The following B3GALNT2 variants were observed in gnomAD, a reference collection of about 807,000 sequenced individuals.
B3GALNT2 encodes UDP-GalNAc:beta-1,3-N-acetylgalactosaminyltransferase 2.
B3GALNT2 carries 53 observed loss-of-function variants against 61.1 expected under a neutral mutation model. The ratio of observed to expected loss-of-function variants is 0.87; its 90% CI spans 0.70 to 1.09. B3GALNT2 has a LOEUF of 1.09. Among genes scored for constraint, B3GALNT2 ranks in the 50% least tolerant of loss-of-function variants. The pLI is 0.00. For synonymous variants in B3GALNT2, 223 were observed against 237.4 expected (o/e 0.94, Z 0.56); for missense variants, 544 against 623.0 (o/e 0.87, Z 1.35).
At position 235,448,490 on chromosome 1, in the gene B3GALNT2, T is replaced by C. The variant is rs1682628592; in HGVS notation, c.*1716A>G. On this transcript the variant is annotated 3_prime_UTR_variant, in exon 12 of 12. Transcript: ENST00000366600. ...GTCAAAGTCAAGCTTAGTCCTCGTA[T>C]TATGACATTAAACTGTCTCTAGATA... 1 of 1,551,804 alleles carries C rather than the reference T, an allele frequency of 6.4e-7. No homozygotes were observed. Among genetic ancestry groups the C allele is most frequent in the South Asian group, 1.1e-5 (1 of 89,778 alleles).
At chr1:235,485,046 A>G (rs1470785169) in intron 3 of B3GALNT2, among the ~76,000 whole-genome samples, 2 of 152,386 alleles carry the variant, frequency 1.3e-5, no homozygotes, top group African/African-American at 4.8e-5. Context: ...GCTGTACAGC[A>G]CTGATAAAAG....
rs1269145259 is a variant in B3GALNT2, at chr1:235,448,839, C to A, written c.*1367G>T. The A allele has an allele frequency of 3.0e-5, 32 of 1,079,738 alleles. No individual in the cohort carries two copies. Among genetic ancestry groups the A allele is most frequent in the Non-Finnish European group, 4.4e-5 (31 of 707,250 alleles). The allele number at this position is 1,079,738 out of a possible 1,614,324, so 66.9% of individuals were successfully genotyped here. A position where few individuals can be genotyped will look rare whatever the true frequency, so the allele number is the denominator to read the frequency against. The stretch of plus-strand genomic sequence containing the variant: ...ACCGGAAATAAATGATTCACTGGAA[C>A]AATTCTACTGTCAAAACAAAGGGGG... On this transcript the variant is annotated 3_prime_UTR_variant, in exon 12 of 12. Transcript: ENST00000366600.
chr1:235,483,460 C>T (rs1174064980), intron 4 of B3GALNT2, among the ~76,000 whole-genome samples: 1 of 152,130 alleles, frequency 6.6e-6, no homozygotes, highest in East Asian at 1.9e-4. Flanking sequence ...CACACCAGGC[C>T]TGGTGCGGTG....
rs915720015 is a variant in B3GALNT2 at position 235,489,095 on chromosome 1, C to T, written c.361+73G>A. On this transcript the variant is annotated intron_variant, in intron 3 of 11. Transcript: ENST00000366600. ...AATAATAAAAAATAAAAACAGACTC[C>T]ATACTATTAAGCTTAGCAACTTTTA... is the stretch of plus-strand genomic sequence containing the variant. 1.9e-5 allele frequency: 29 copies of T among 1,532,596 alleles called. 1 individual carries two copies. The East Asian group carries it at 6.5e-4, about 34-fold the overall frequency. 94.9% of individuals were successfully genotyped at this position (1,532,596 alleles called of 1,614,324 possible).
chr1:235,460,124 TTG>T (rs1683353629), intron 7 of B3GALNT2, among the ~76,000 whole-genome samples: 2 of 150,370 alleles, frequency 1.3e-5, no homozygotes, highest in Non-Finnish European at 3.0e-5. Flanking sequence ...TCTTTCTTTT[TTG>T]TTTTTGAGAC....
intron 2 of B3GALNT2, among the ~76,000 whole-genome samples, chr1:235,492,414 A>G (rs1685110000): frequency 6.6e-6 from 1 of 152,202 alleles, no homozygotes; most frequent in Admixed American, 6.5e-5. Flanking sequence ...TTCTCATAAC[A>G]CAAATCAAGC....
downstream of B3GALNT2, among the ~76,000 whole-genome samples, chr1:235,444,300 A>G (rs1682097276): frequency 6.6e-6 from 1 of 152,232 alleles, no homozygotes; most frequent in African/African-American, 2.4e-5. Flanking sequence ...ATGGGTTAGA[A>G]TTAGTGATTT....
At chr1:235,489,555 A>G (rs1435656290) in intron 2 of B3GALNT2, among the ~76,000 whole-genome samples, 1 of 152,224 alleles carries the variant, frequency 6.6e-6, no homozygotes, top group Non-Finnish European at 1.5e-5. Context: ...AGCAAACTAT[A>G]GTAAAGTCAG....
intron 1 of B3GALNT2, among the ~76,000 whole-genome samples, chr1:235,502,839 G>A (rs1048689453): frequency 9.2e-5 from 14 of 152,176 alleles, no homozygotes; most frequent in African/African-American, 3.1e-4. Flanking sequence ...ACAAGCAGCT[G>A]TTACAAAGCA....
At chr1:235,502,681 AT>A (rs1685637054) in intron 1 of B3GALNT2, among the ~76,000 whole-genome samples, 1 of 152,194 alleles carries the variant, frequency 6.6e-6, no homozygotes, top group Non-Finnish European at 1.5e-5. Context: ...GTCTACTAAG[AT>A]TTCAGTTTGA....
Position 235,447,426 on chromosome 1 carries a change from G to GAAGT in B3GALNT2, c.*2776_*2779dup, listed in dbSNP as rs768533077. ...ATTTACCACAACCCGTCTTTGGAAAGAAGTTCATAGTGTATTCTGAACAAA... is the reference window on the plus strand; with the variant it reads ...ATTTACCACAACCCGTCTTTGGAAAGAAGTAAGTTCATAGTGTATTCTGAACAAA... On this transcript the variant is annotated 3_prime_UTR_variant, in exon 12 of 12. Transcript: ENST00000366600. Among the ~76,000 whole-genome samples, 39 of 152,320 alleles carry GAAGT rather than the reference G, an allele frequency of 2.6e-4. No individual in the cohort carries two copies. The highest frequency in any genetic ancestry group is 3.4e-3 in the Middle Eastern group (1 of 294).
chr1:235,446,224 A>G (rs188657232), downstream of B3GALNT2, among the ~76,000 whole-genome samples: 49 of 152,020 alleles, frequency 3.2e-4, no homozygotes, highest in East Asian at 6.4e-3. Flanking sequence ...CACCCAGGCT[A>G]GAGTGCAGTG....
At chr1:235,457,860 G>A (rs1204848938) in intron 8 of B3GALNT2, among the ~76,000 whole-genome samples, 1 of 151,286 alleles carries the variant, frequency 6.6e-6, no homozygotes, top group Non-Finnish European at 1.5e-5. Context: ...GCTGGCTTGA[G>A]ACAACCGAGG....
Position 235,454,304 on chromosome 1 carries a change from T to C in B3GALNT2, c.1163A>G (p.Asn388Ser), listed in dbSNP as rs759609345. Residue 388 changes from asparagine (N) to serine (S), a missense_variant, in exon 10 of 12, where the codon AAT becomes AGT. By Grantham distance (46) the Asn-to-Ser change is conservative. Coordinates refer to ENST00000366600, the MANE Select transcript of B3GALNT2 (RefSeq NM_152490.5). ...CTTTCCGGTTCGGTCAACTGCCCAATTCAGTCTGAAACTGAGATGAAAAAT... is the reference window on the plus strand; with the variant it reads ...CTTTCCGGTTCGGTCAACTGCCCAACTCAGTCTGAAACTGAGATGAAAAAT... ...PNFWWGNFRLNWAVDRTGKWQ... is the reference protein window; with the variant it reads ...PNFWWGNFRLSWAVDRTGKWQ... 6.2e-7 allele frequency: 1 copy of C among 1,611,498 alleles called. No individual in the cohort carries two copies. The highest frequency in any genetic ancestry group is 1.1e-5 in the South Asian group (1 of 90,756).
In B3GALNT2 at chr1:235,474,970, TATATA is replaced by T. The variant is rs1333488475; in HGVS notation, c.652-4015_652-4011del. Among the ~76,000 whole-genome samples the T allele has an allele frequency of 9.1e-3, 313 of 34,456 alleles. 28 individuals are homozygous for T. Among genetic ancestry groups the T allele is most frequent in the East Asian group, 0.076 (106 of 1,396 alleles). The allele number at this position is 34,456 out of a possible 152,430, so 22.6% of individuals were successfully genotyped here. Reference sequence around the variant, plus strand: ...AGAGACATATATATATATATATATATATATATATATATATATATTTTTTTTTTTTT... The same window carrying T: ...AGAGACATATATATATATATATATATTATATATATATATTTTTTTTTTTTT... On this transcript the variant is annotated intron_variant, in intron 5 of 11. Coordinates refer to ENST00000366600, the MANE Select transcript of B3GALNT2 (RefSeq NM_152490.5).
chr1:235,473,164 C>T (rs766434358), intron 5 of B3GALNT2, among the ~76,000 whole-genome samples: 3 of 152,220 alleles, frequency 2.0e-5, no homozygotes, highest in Non-Finnish European at 4.4e-5. Context: ...CTGCCTGCCT[C>T]AGCCTCCCAA....
rs557337327 is a variant in B3GALNT2 at position 235,502,556 on chromosome 1, T to C, written c.112+1585A>G. On this transcript the variant is annotated intron_variant, in intron 1 of 11. Coordinates refer to ENST00000366600, the MANE Select transcript of B3GALNT2 (RefSeq NM_152490.5). ...CCTGTTCCTTTCTATGGTCTACTTC[T>C]TCATTTCCTTAATCTAGCCTGGTCT... Among the ~76,000 whole-genome samples the C allele has an allele frequency of 3.7e-3, 568 of 152,350 alleles. 4 individuals are homozygous for C. The highest frequency in any genetic ancestry group is 0.013 in the African/African-American group (547 of 41,582).
chr1:235,476,235 C>T (rs1572523270), intron 5 of B3GALNT2, among the ~76,000 whole-genome samples: 1 of 151,734 alleles, frequency 6.6e-6, no homozygotes, highest in East Asian at 2.0e-4. Flanking sequence ...CACGGTGAAA[C>T]CCCGTCTGTA....
In B3GALNT2 at chr1:235,489,715, C is replaced by T. The variant is rs150941727; in HGVS notation, c.261-447G>A. Among the ~76,000 whole-genome samples the T allele has an allele frequency of 5.9e-3, 904 of 152,236 alleles. 3 individuals carry two copies. Among genetic ancestry groups the T allele is most frequent in the Non-Finnish European group, 7.7e-3 (525 of 68,004 alleles). ...CTCCTAGACCTTGCTTCACTGGTTACCCCTGTAACTAGTGACTCCTTCCCT... is the reference window on the plus strand; with the variant it reads ...CTCCTAGACCTTGCTTCACTGGTTATCCCTGTAACTAGTGACTCCTTCCCT... On this transcript the variant is annotated intron_variant, in intron 2 of 11. Transcript: ENST00000366600.
Sources: allele counts gnomAD v4.1 joint callset (sites outside exome capture counted in the v4.1 genomes callset), GRCh38; gene constraint gnomAD v4.1.1; transcripts MANE v1.5; gene names NCBI Gene and HGNC (gene_info 2026-07-23, HGNC 2026-07-21).